The following SYNJ1 variants were observed in gnomAD, a reference collection of about 807,000 sequenced individuals.
SYNJ1 encodes the protein polyphosphatidylinositol phosphatase SYNJ1.
Under a neutral mutation model 168.2 loss-of-function variants are expected in SYNJ1, and 78 were observed. The observed-to-expected ratio is 0.46, with a 90% confidence interval of 0.39 to 0.56. The LOEUF (loss-of-function observed/expected upper bound fraction) is 0.56. SYNJ1 is among the 20% of genes least tolerant of loss of function. SYNJ1 has a pLI of 0.00. For missense variants in SYNJ1, 1,303 were observed against 1,597.6 expected (o/e 0.82, Z 3.14); for synonymous variants, 539 against 548.6 (o/e 0.98, Z 0.24).
chr21:32,714,202 G>A (rs748520583), intron 2 of SYNJ1, among the ~76,000 whole-genome samples: 12 of 152,096 alleles, frequency 7.9e-5, no homozygotes, highest in Admixed American at 2.6e-4. Flanking sequence ...ACTGAAAGGC[G>A]GCCAATGAGG....
At chr21:32,652,663 A>C (rs1390872191) in intron 22 of SYNJ1, among the ~76,000 whole-genome samples, 1 of 152,198 alleles carries the variant, frequency 6.6e-6, no homozygotes, top group Non-Finnish European at 1.5e-5. Context: ...TTTGGGTCTA[A>C]AGGAGTTCAG....
At chr21:32,698,381 C>T (rs1754340921) in intron 4 of SYNJ1, among the ~76,000 whole-genome samples, 1 of 152,026 alleles carries the variant, frequency 6.6e-6, no homozygotes, top group African/African-American at 2.4e-5. Context: ...TGGGTGACAC[C>T]CGAATGTGCT....
intron 22 of SYNJ1, among the ~76,000 whole-genome samples, chr21:32,651,041 G>A (rs759485630): frequency 2.0e-5 from 3 of 152,176 alleles, no homozygotes; most frequent in African/African-American, 7.2e-5. Flanking sequence ...AATTATAGCA[G>A]ATCGTGTCAA....
intron 26 of SYNJ1, 102 bp from the exon 27 acceptor site, chr21:32,643,559 A>G: frequency 8.2e-7 from 1 of 1,217,042 alleles, no homozygotes; most frequent in Non-Finnish European, 1.2e-6. Flanking sequence ...CACTTTTGCA[A>G]AAAGGCTCTT....
intron 10 of SYNJ1, among the ~76,000 whole-genome samples, chr21:32,682,548 A>G (rs1322558063): frequency 6.6e-6 from 1 of 152,186 alleles, no homozygotes; most frequent in Non-Finnish European, 1.5e-5. Flanking sequence ...CTTTGCTAGC[A>G]TGGAGAATAA....
chr21:32,645,638 G>C lies in SYNJ1; in HGVS notation c.3391+8C>G. ...CATCTAGCAGAAATGGAAATAAAAG[G>C]TTGTCACCTGAAGGCGGAGGAGGTC... is the stretch of plus-strand genomic sequence containing the variant. On this transcript the variant is annotated splice_region_variant and intron_variant, in intron 25 of 32. Coordinates refer to ENST00000674351, the MANE Select transcript of SYNJ1 (RefSeq NM_203446.3). The C allele has an allele frequency of 6.6e-7, 1 of 1,526,526 alleles. No individual in the cohort carries two copies. Among genetic ancestry groups the C allele is most frequent in the South Asian group, 1.3e-5 (1 of 77,712 alleles). 94.6% of individuals were successfully genotyped at this position (1,526,526 alleles called of 1,614,324 possible).
chr21:32,702,113 A>G, intron 2 of SYNJ1, 66 bp from the exon 3 acceptor site: 1 of 1,169,252 alleles, frequency 8.6e-7, no homozygotes, highest in South Asian at 1.6e-5. Context: ...AGCTAAGTAT[A>G]AATCCAGAGT....
chr21:32,631,661 T>C lies in SYNJ1; in HGVS notation c.*144A>G, dbSNP rs1452968577. The C allele has an allele frequency of 1.2e-6, 2 of 1,614,062 alleles. No homozygotes were observed. The highest frequency in any genetic ancestry group is 1.1e-5 in the South Asian group (1 of 91,078). ...CAGAAGGCAACTGAATCAACCTCTT[T>C]GGGTCTGGGGTGGGAACAGGTGACG... On this transcript the variant is annotated 3_prime_UTR_variant, in exon 33 of 33. Coordinates refer to ENST00000674351, the MANE Select transcript of SYNJ1 (RefSeq NM_203446.3).
At chr21:32,659,609 G>A (rs535434067) in intron 18 of SYNJ1, among the ~76,000 whole-genome samples, 1 of 152,250 alleles carries the variant, frequency 6.6e-6, no homozygotes, top group African/African-American at 2.4e-5. Flanking sequence ...ACTGGTGCAT[G>A]CAGCCCCCAG....
At position 32,668,007 on chromosome 21, in the gene SYNJ1, ATATGTGTGTG is replaced by A. The variant is rs879360977; in HGVS notation, c.1812-1444_1812-1435del. ...TCACTACTTTATTAAAGAAGAATAT[ATATGTGTGTG>A]TGTGTGTGTGTGTGTGTGTGTGTGT... On this transcript the variant is annotated intron_variant, in intron 15 of 32. Coordinates refer to ENST00000674351, the MANE Select transcript of SYNJ1 (RefSeq NM_203446.3). Among the ~76,000 whole-genome samples, 931 of 96,086 alleles carry A rather than the reference ATATGTGTGTG, an allele frequency of 9.7e-3. 29 individuals carry two copies. Among genetic ancestry groups the A allele is most frequent in the East Asian group, 0.088 (295 of 3,362 alleles). 63.0% of individuals were successfully genotyped at this position (96,086 alleles called of 152,430 possible). A position where few individuals can be genotyped will look rare whatever the true frequency, so the allele number is the denominator to read the frequency against.
chr21:32,673,271 T>C, intron 14 of SYNJ1, 69 bp downstream of exon 14: 3 of 1,395,506 alleles, frequency 2.1e-6, no homozygotes, highest in South Asian at 3.2e-5. Context: ...TGAAGTGCTA[T>C]ATTTGTTTTC....
Position 32,639,751 on chromosome 21 carries a change from C to A in SYNJ1, c.3617G>T (p.Ser1206Ile), listed in dbSNP as rs1569027691. ...TGCCCGCGCGTGGCTCTGTGGGGCA[C>A]TGATAACTCCAGCACGAGGAGGAAT... ...PTIPPRAGVI[S>I]APQSHARASA... The change falls in exon 30 of 33, where the codon AGT (serine) becomes ATT (isoleucine). Residue 1206 changes from serine (S) to isoleucine (I), a missense_variant. Around this residue, in one of 2 missense-constraint regions of SYNJ1, gnomAD observed 383 missense variants for 388.8 expected, o/e 0.99. Coordinates refer to ENST00000674351, the MANE Select transcript of SYNJ1 (RefSeq NM_203446.3). 4 of 1,614,144 alleles carry A rather than the reference C, an allele frequency of 2.5e-6. No homozygotes were observed. The highest frequency in any genetic ancestry group is 1.7e-4 in the Middle Eastern group (1 of 6,060).
Position 32,653,164 on chromosome 21 carries a change from C to A in SYNJ1, c.2874+124G>T, listed in dbSNP as rs771474190. ...AAATAAAAAACATTAAATAACTCCT[C>A]GAACATACCATAAGGTCTTTTCCCC... On this transcript the variant is annotated intron_variant, in intron 22 of 32. Coordinates refer to ENST00000674351, the MANE Select transcript of SYNJ1 (RefSeq NM_203446.3). 22 of 753,722 alleles carry A rather than the reference C, an allele frequency of 2.9e-5. No homozygotes were observed. The African/African-American group carries it at 3.6e-4, about 12-fold the overall frequency. 46.7% of individuals were successfully genotyped at this position (753,722 alleles called of 1,614,324 possible). A position where few individuals can be genotyped will look rare whatever the true frequency, so the allele number is the denominator to read the frequency against.
At chr21:32,637,656 T>A (rs1292071908) in intron 31 of SYNJ1, among the ~76,000 whole-genome samples, 1 of 152,172 alleles carries the variant, frequency 6.6e-6, no homozygotes, top group Non-Finnish European at 1.5e-5. Context: ...CCTCAGGCGA[T>A]CGACCCGCCA....
rs117085153 is a variant in SYNJ1 at position 32,629,916 on chromosome 21, G to A, written c.*1889C>T. Reference sequence around the variant, plus strand: ...AGATGTGTTATGTAGCCTCGTAAGAGGGGGGAGAACACACACTGGGTATAT... The same window carrying A: ...AGATGTGTTATGTAGCCTCGTAAGAAGGGGGAGAACACACACTGGGTATAT... On this transcript the variant is annotated 3_prime_UTR_variant, in exon 33 of 33. Coordinates refer to ENST00000674351, the MANE Select transcript of SYNJ1 (RefSeq NM_203446.3). 1.3e-5 allele frequency: 2 copies of A among 152,628 alleles called. No individual in the cohort carries two copies. Among genetic ancestry groups the A allele is most frequent in the Admixed American group, 6.5e-5 (1 of 15,300 alleles). The allele number at this position is 152,628 out of a possible 1,614,324, so 9.5% of individuals were successfully genotyped here.
At chr21:32,691,805 T>C (rs143992212) in intron 6 of SYNJ1, among the ~76,000 whole-genome samples, 1 of 152,328 alleles carries the variant, frequency 6.6e-6, no homozygotes, top group African/African-American at 2.4e-5. Flanking sequence ...TCATAGCACC[T>C]AGCATAAAAT....
chr21:32,719,407 G>A (rs1423075872), intron 2 of SYNJ1, among the ~76,000 whole-genome samples: 1 of 152,216 alleles, frequency 6.6e-6, no homozygotes, highest in Non-Finnish European at 1.5e-5. Flanking sequence ...AGTGTACTCT[G>A]TTCCAAGGTT....
At chr21:32,727,438 G>A (rs1470999646) in intron 1 of SYNJ1, among the ~76,000 whole-genome samples, 2 of 152,202 alleles carry the variant, frequency 1.3e-5, no homozygotes, top group African/African-American at 4.8e-5. Context: ...GGCGATGAAG[G>A]GCAAGGGAAA....
chr21:32,632,383 C>T (rs1432365166), intron 32 of SYNJ1, among the ~76,000 whole-genome samples: 1 of 151,618 alleles, frequency 6.6e-6, no homozygotes, highest in Admixed American at 6.6e-5. Flanking sequence ...CTTTGCCCAC[C>T]CCCTCTTTTT....
Sources: allele counts gnomAD v4.1 joint callset (sites outside exome capture counted in the v4.1 genomes callset), GRCh38; gene constraint gnomAD v4.1.1; regional missense constraint gnomAD v4.1.1; transcripts MANE v1.5; gene names NCBI Gene and HGNC (gene_info 2026-07-23, HGNC 2026-07-21).